The following MED23 variants were observed in gnomAD, a reference collection of about 807,000 sequenced individuals.
The protein encoded by MED23 is mediator complex subunit 23, also known as mediator of RNA polymerase II transcription subunit 23.
In MED23, 105 loss-of-function variants were observed where a neutral mutation model predicts 163.9. The ratio of observed to expected loss-of-function variants is 0.64; its 90% CI spans 0.55 to 0.75. The LOEUF (loss-of-function observed/expected upper bound fraction) is 0.75, where lower values mean the gene tolerates loss of function less well. Among genes scored for constraint, MED23 ranks in the 30% least tolerant of loss-of-function variants. The pLI, the probability that MED23 is intolerant of heterozygous loss-of-function variation, is 0.00. For missense variants in MED23, 1,054 were observed against 1,649.0 expected (o/e 0.64, Z 6.25); for synonymous variants, 561 against 565.6 (o/e 0.99, Z 0.12).
intron 17 of MED23, 145 bp from the exon 18 acceptor site, chr6:131,600,307 C>T: frequency 1.3e-6 from 1 of 784,388 alleles, no homozygotes; most frequent in Non-Finnish European, 2.1e-6. Flanking sequence ...CAGCTTAGAA[C>T]CTAAATTTGC....
At chr6:131,600,656 C>T (rs1430877830) in intron 17 of MED23, among the ~76,000 whole-genome samples, 1 of 152,178 alleles carries the variant, frequency 6.6e-6, no homozygotes, top group Non-Finnish European at 1.5e-5. Flanking sequence ...CTCTTTAAAA[C>T]ATCAGTTCTC....
rs1776627822 is a variant in MED23 at position 131,615,595 on chromosome 6, C to CA, written c.876+311dup. On this transcript the variant is annotated intron_variant, in intron 10 of 28. Coordinates refer to ENST00000368068, the MANE Select transcript of MED23 (RefSeq NM_004830.4). ...TATATAAAAATAGACACCCAAACAA[C>CA]AAAAAAAGTCAAAAATTATGGTTGA... The CA allele has an allele frequency of 1.1e-5, 4 of 362,624 alleles. No individual in the cohort carries two copies. The South Asian group carries it at 1.7e-4, about 15-fold the overall frequency. 22.5% of individuals were successfully genotyped at this position (362,624 alleles called of 1,614,324 possible).
chr6:131,615,582 G>T (rs2114727233), intron 10 of MED23: 2 of 340,176 alleles, frequency 5.9e-6, no homozygotes, highest in Admixed American at 1.1e-4. Context: ...TATAAAAATA[G>T]ACACCCAAAC....
At position 131,619,282 on chromosome 6, in the gene MED23, A is replaced by G. The variant is rs78490005; in HGVS notation, c.667+545T>C. Among the ~76,000 whole-genome samples, 591 of 152,326 alleles carry G rather than the reference A, an allele frequency of 3.9e-3. 1 individual carries two copies. The highest frequency in any genetic ancestry group is 0.013 in the African/African-American group (557 of 41,576). On this transcript the variant is annotated intron_variant, in intron 8 of 28. Coordinates refer to ENST00000368068, the MANE Select transcript of MED23 (RefSeq NM_004830.4). ...CTCAATATTTGATCACTGAATAAAC[A>G]ATGGTCTATATTTCCACACAGTTGA...
At chr6:131,589,671 AT>A in intron 27 of MED23, 75 bp from the exon 28 acceptor site, 1 of 1,380,846 alleles carries the variant, frequency 7.2e-7, no homozygotes, top group Non-Finnish European at 1.0e-6. Flanking sequence ...GCTGGGCTCC[AT>A]TACAACACTA....
chr6:131,600,262 C>T, intron 17 of MED23, 100 bp from the exon 18 acceptor site: 1 of 1,176,232 alleles, frequency 8.5e-7, no homozygotes, highest in South Asian at 1.3e-5. Flanking sequence ...CTGAGAATTT[C>T]ACTGCAGTGC....
At chr6:131,592,561 C>T (rs1486089378) in intron 24 of MED23, 101 bp from the exon 25 acceptor site, 19 of 982,056 alleles carry the variant, frequency 1.9e-5, no homozygotes, top group African/African-American at 1.3e-4. Context: ...TTCAGAGGAT[C>T]GACAACTAAT....
intron 30 of MED23, chr6:131,576,788 A>T: frequency 6.7e-7 from 1 of 1,497,392 alleles, no homozygotes. Context: ...ACTCTGAAGG[A>T]AAGAGCAGGC....
intron 14 of MED23, 100 bp from the exon 15 acceptor site, chr6:131,604,420 A>G (rs944415615): frequency 7.8e-7 from 1 of 1,276,118 alleles, no homozygotes; most frequent in Non-Finnish European, 1.1e-6. Context: ...CTGAACTTAA[A>G]TGATTCAAAT....
rs751231138 is a variant in MED23 at position 131,581,255 on chromosome 6, C to T, written c.4095+6454G>A. On this transcript the variant is annotated intron_variant, in intron 30 of 30. Coordinates refer to the MED23 transcript ENST00000354577. Reference sequence around the variant, plus strand: ...GAAGCATCTCTGGCCATGCCAGGGTCCACCCTGATCTTGGAGTCATCTGGG... The same window carrying T: ...GAAGCATCTCTGGCCATGCCAGGGTTCACCCTGATCTTGGAGTCATCTGGG... 9 of 1,613,900 alleles carry T rather than the reference C, an allele frequency of 5.6e-6. No homozygotes were observed. The South Asian group carries it at 8.8e-5, about 16-fold the overall frequency.
chr6:131,622,157 T>C (rs767646571), intron 5 of MED23, among the ~76,000 whole-genome samples, 178 bp from the exon 6 acceptor site: 13 of 152,264 alleles, frequency 8.5e-5, no homozygotes, highest in Non-Finnish European at 1.5e-4. Flanking sequence ...CAAAACAGAG[T>C]TCTAAAGACT....
In MED23 at chr6:131,602,204, C is replaced by T. The variant is rs1001483473; in HGVS notation, c.2095+14G>A. 5 of 1,613,008 alleles carry T rather than the reference C, an allele frequency of 3.1e-6. No individual in the cohort carries two copies. The highest frequency in any genetic ancestry group is 4.2e-6 in the Non-Finnish European group (5 of 1,179,202). ...ATTCATCTGTTGTTGTTTGTAGTCA[C>T]ATATTCACCGTACCTGTTACATGAG... On this transcript the variant is annotated intron_variant, in intron 17 of 28. Transcript: ENST00000368068.
downstream of MED23, among the ~76,000 whole-genome samples, chr6:131,582,222 T>C (rs1334961298): frequency 6.6e-6 from 1 of 152,192 alleles, no homozygotes; most frequent in Non-Finnish European, 1.5e-5. Flanking sequence ...GATATCATCA[T>C]ATTATCACAT....
At chr6:131,615,503 CAA>C (rs917020235) in intron 10 of MED23, among the ~76,000 whole-genome samples, 45 of 14,136 alleles carry the variant, frequency 3.2e-3, no homozygotes, top group African/African-American at 0.013. Context: ...AAACACACAC[CAA>C]AAAAAAAAAA....
chr6:131,597,191 C>T (rs1203445820), intron 20 of MED23, among the ~76,000 whole-genome samples: 1 of 151,918 alleles, frequency 6.6e-6, no homozygotes, highest in Non-Finnish European at 1.5e-5. Context: ...GAAATCTACC[C>T]GAAGGCCAGG....
At chr6:131,600,347 T>C (rs561541654) in intron 17 of MED23, among the ~76,000 whole-genome samples, 185 bp from the exon 18 acceptor site, 4 of 152,318 alleles carry the variant, frequency 2.6e-5, no homozygotes, top group Middle Eastern at 3.4e-3. Flanking sequence ...GATGATCACA[T>C]TAGAAAATAT....
In MED23 at chr6:131,602,398, T is replaced by G. The variant is rs995400523; in HGVS notation, c.1932-17A>C. On this transcript the variant is annotated splice_polypyrimidine_tract_variant and intron_variant, in intron 16 of 28. Coordinates refer to ENST00000368068, the MANE Select transcript of MED23 (RefSeq NM_004830.4). Reference sequence around the variant, plus strand: ...CTCTCGACACTGAAAATTGGGAGAATAAAAAGAAATGTAAAAAAATTTCAG... The same window carrying G: ...CTCTCGACACTGAAAATTGGGAGAAGAAAAAGAAATGTAAAAAAATTTCAG... The G allele has an allele frequency of 6.2e-7, 1 of 1,609,326 alleles. No homozygotes were observed. The highest frequency in any genetic ancestry group is 1.3e-5 in the African/African-American group (1 of 74,752).
intron 17 of MED23, 44 bp from the exon 18 acceptor site, chr6:131,600,206 A>C (rs767396669): frequency 6.6e-7 from 1 of 1,525,974 alleles, no homozygotes; most frequent in Non-Finnish European, 9.1e-7. Context: ...AAATGATTAT[A>C]TCCACAATTC....
chr6:131,584,218 A>G (rs142812031), downstream of MED23: 81 of 331,458 alleles, frequency 2.4e-4, 2 homozygotes, highest in African/African-American at 1.7e-3. Flanking sequence ...GCCCCCATAC[A>G]TAGAGTGGGA....
Sources: gnomAD v4.1 joint callset for allele counts (sites outside exome capture counted in the v4.1 genomes callset) on GRCh38, gnomAD v4.1.1 for gene constraint, MANE v1.5 for transcripts, NCBI Gene and HGNC (gene_info 2026-07-23, HGNC 2026-07-21) for gene names.